Variants in WWOX observed in about 807,000 individuals in gnomAD.
WWOX encodes WW domain containing oxidoreductase, also known as WW domain-containing oxidoreductase.
WWOX carries 69 observed loss-of-function variants against 46.2 expected under a neutral mutation model. The observed-to-expected ratio is 1.49, with a 90% CI of 1.23 to 1.82. The LOEUF (loss-of-function observed/expected upper bound fraction) is 1.82. Ranked by LOEUF, WWOX falls within the 40% of genes most tolerant of loss-of-function variation. WWOX has a pLI of 0.00. For synonymous variants in WWOX, 359 were observed against 202.6 expected (o/e 1.77, Z -6.56); for missense variants, 919 against 542.6 (o/e 1.69, Z -6.89).
At chr16:78,857,169 C>T (rs1286989571) in intron 8 of WWOX, among the ~76,000 whole-genome samples, 1 of 151,916 alleles carries the variant, frequency 6.6e-6, no homozygotes, top group African/African-American at 2.4e-5. Context: ...AGAGTTTTGG[C>T]TAAGGGAAAA....
chr16:79,037,229 C>A (rs182875328), intron 8 of WWOX, among the ~76,000 whole-genome samples: 1,664 of 152,242 alleles, frequency 0.011, 43 homozygotes, highest in African/African-American at 0.039. Flanking sequence ...TTCATTTGTT[C>A]GTTCTCTCTC....
At chr16:78,179,731 C>T (rs1076515) in intron 5 of WWOX, 1 of 152,050 alleles carries the variant, frequency 6.6e-6, no homozygotes, top group Non-Finnish European at 1.5e-5. Context: ...TCTTAGGGAA[C>T]AAACAGCCGA....
chr16:78,721,702 G>A (rs1486806567), intron 8 of WWOX, among the ~76,000 whole-genome samples: 6 of 152,196 alleles, frequency 3.9e-5, no homozygotes, highest in Admixed American at 2.6e-4. Context: ...CGGAAATATT[G>A]GCTGGCCAGT....
intron 6 of WWOX, among the ~76,000 whole-genome samples, chr16:78,409,356 C>A (rs930445496): frequency 1.3e-5 from 2 of 152,118 alleles, no homozygotes; most frequent in African/African-American, 4.8e-5. Flanking sequence ...TCCTCTGTGC[C>A]TTACTGTAGT....
intron 6 of WWOX, among the ~76,000 whole-genome samples, chr16:78,413,546 A>C (rs1407320392): frequency 6.6e-6 from 1 of 152,166 alleles, no homozygotes; most frequent in East Asian, 1.9e-4. Context: ...TACGTTGATC[A>C]GTTAGGTAGG....
chr16:78,354,508 C>T (rs2081245683), intron 5 of WWOX, among the ~76,000 whole-genome samples: 1 of 152,008 alleles, frequency 6.6e-6, no homozygotes, highest in African/African-American at 2.4e-5. Flanking sequence ...TATAAACTGG[C>T]AATTACAACT....
At chr16:78,970,938 A>C (rs915596761) in intron 8 of WWOX, among the ~76,000 whole-genome samples, 6 of 152,112 alleles carry the variant, frequency 3.9e-5, no homozygotes, top group Non-Finnish European at 7.4e-5. Flanking sequence ...TGTTTTGCTT[A>C]CTTCTGCAGC....
intron 8 of WWOX, among the ~76,000 whole-genome samples, chr16:79,157,066 A>G (rs1204838900): frequency 1.3e-5 from 2 of 152,224 alleles, no homozygotes; most frequent in African/African-American, 4.8e-5. Context: ...TTTTGTTTGT[A>G]CTTATATTAA....
At chr16:78,910,745 T>C (rs1189675364) in intron 8 of WWOX, among the ~76,000 whole-genome samples, 1 of 151,866 alleles carries the variant, frequency 6.6e-6, no homozygotes, top group Non-Finnish European at 1.5e-5. Flanking sequence ...CCATCAGATC[T>C]CGTGGGACTT....
intron 8 of WWOX, among the ~76,000 whole-genome samples, chr16:78,598,922 G>A (rs560464455): frequency 2.0e-5 from 3 of 152,254 alleles, no homozygotes; most frequent in East Asian, 1.9e-4. Context: ...TCAGATTCCC[G>A]CCTCTCAACA....
intron 3 of WWOX, among the ~76,000 whole-genome samples, 199 bp downstream of exon 3, chr16:78,110,034 G>A (rs749898718): frequency 7.1e-4 from 107 of 151,070 alleles, no homozygotes; most frequent in South Asian, 2.1e-4. Flanking sequence ...CCCCGCACAC[G>A]CATCCTTAAA....
At chr16:78,302,301 C>A (rs2080055896) in intron 5 of WWOX, among the ~76,000 whole-genome samples, 1 of 152,038 alleles carries the variant, frequency 6.6e-6, no homozygotes, top group South Asian at 2.1e-4. Flanking sequence ...ATTCCCAAAG[C>A]CATGAAATTT....
intron 8 of WWOX, among the ~76,000 whole-genome samples, chr16:79,145,382 T>C (rs374018818): frequency 2.7e-4 from 41 of 152,284 alleles, no homozygotes; most frequent in African/African-American, 8.9e-4. Flanking sequence ...ATTATTTTTA[T>C]TTTTAGAGAT....
chr16:78,449,453 T>G (rs540754820), intron 8 of WWOX, among the ~76,000 whole-genome samples: 8 of 152,192 alleles, frequency 5.3e-5, no homozygotes, highest in African/African-American at 1.9e-4. Flanking sequence ...CAACTTGAAT[T>G]TTGTTTTAGA....
At chr16:78,648,182 A>C (rs754686501) in intron 8 of WWOX, among the ~76,000 whole-genome samples, 2 of 152,270 alleles carry the variant, frequency 1.3e-5, no homozygotes, top group Non-Finnish European at 2.9e-5. Flanking sequence ...AAAAACGGCT[A>C]TTTCTTTAGG....
intron 8 of WWOX, among the ~76,000 whole-genome samples, chr16:79,074,359 A>G (rs951757345): frequency 2.4e-5 from 3 of 124,690 alleles, no homozygotes; most frequent in African/African-American, 9.1e-5. Flanking sequence ...TCCTAAAACC[A>G]CCGTTGTCAC....
intron 8 of WWOX, among the ~76,000 whole-genome samples, chr16:78,811,065 G>C (rs1211513588): frequency 6.6e-6 from 1 of 152,198 alleles, no homozygotes. Context: ...CAGGAAAGCA[G>C]TGTGCCAGTA....
rs2046832794 is a variant in WWOX, at chr16:78,988,966, C to T, written c.1057-222642C>T. ...GTTTCATTTTGCTTCAGGAACTAGG[C>T]AGGAGAATTCCTGAGTTCCTGTACA... is the stretch of plus-strand genomic sequence containing the variant. On this transcript the variant is annotated intron_variant, in intron 8 of 8. Transcript: ENST00000566780. Among the ~76,000 whole-genome samples, 3 of 152,166 alleles carry T rather than the reference C, an allele frequency of 2.0e-5. No homozygotes were observed. The South Asian group carries it at 6.2e-4, about 32-fold the overall frequency.
intron 8 of WWOX, among the ~76,000 whole-genome samples, chr16:78,617,284 C>T (rs1185848127): frequency 6.6e-6 from 1 of 151,794 alleles, no homozygotes; most frequent in Non-Finnish European, 1.5e-5. Flanking sequence ...CACCTGTGGC[C>T]TCAGCTACTT....
Sources: gnomAD v4.1 joint callset for allele counts (sites outside exome capture counted in the v4.1 genomes callset) on GRCh38, gnomAD v4.1.1 for gene constraint, MANE v1.5 for transcripts, NCBI Gene and HGNC (gene_info 2026-07-23, HGNC 2026-07-21) for gene names.